Variants in ELN observed in about 807,000 individuals in gnomAD.
ELN encodes the protein elastin, also known as tropoelastin.
In ELN, 65 loss-of-function variants were observed where a neutral mutation model predicts 105.8. The ratio of observed to expected loss-of-function variants is 0.61; its 90% CI spans 0.50 to 0.75. The LOEUF is 0.75. Among genes scored for constraint, ELN ranks in the 30% least tolerant of loss-of-function variants. The pLI is 0.00. For synonymous variants in ELN, 368 were observed against 389.2 expected, an observed-to-expected ratio of 0.95 and a Z score of 0.64; for missense variants, 882 against 969.4, an observed-to-expected ratio of 0.91 and a Z score of 1.20.
At chr7:74,064,906 T>A (rs1376680685) in intron 29 of ELN, among the ~76,000 whole-genome samples, 3 of 152,106 alleles carry the variant, frequency 2.0e-5, no homozygotes, top group Non-Finnish European at 4.4e-5. Flanking sequence ...GCTCTTCCTG[T>A]GAGTGCCACA....
intron 19 of ELN, 99 bp from the exon 20 acceptor site, chr7:74,056,172 G>A: frequency 2.6e-6 from 4 of 1,514,714 alleles, no homozygotes; most frequent in Non-Finnish European, 2.8e-6. Flanking sequence ...AGGCCTGGGG[G>A]AAATTTACAT....
At chr7:74,051,513 G>A (rs1794022860) in intron 15 of ELN, among the ~76,000 whole-genome samples, 1 of 152,206 alleles carries the variant, frequency 6.6e-6, no homozygotes, top group Non-Finnish European at 1.5e-5. Flanking sequence ...ATTAGAATGG[G>A]ATTTGTCTGA....
At chr7:74,045,093 C>A in intron 9 of ELN, 129 bp from the exon 10 acceptor site, 1 of 1,001,406 alleles carries the variant, frequency 1.0e-6, no homozygotes, top group Non-Finnish European at 1.6e-6. Context: ...TCCACCCACC[C>A]CGTGAGCCGT....
In ELN at chr7:74,044,045, A is replaced by C. The variant is rs1791882982; in HGVS notation, c.469+125A>C. The C allele has an allele frequency of 2.3e-6, 3 of 1,307,110 alleles. No individual in the cohort carries two copies. In the South Asian group the frequency reaches 3.7e-5, roughly 16 times the overall value. 81.0% of individuals were successfully genotyped at this position (1,307,110 alleles called of 1,614,324 possible). A position where few individuals can be genotyped will look rare whatever the true frequency, so the allele number is the denominator to read the frequency against. ...AGGATGGCTTGAGGCCAGGAGTTTG[A>C]GACCAGCCTGGGCATCATAGTAAGG... On this transcript the variant is annotated intron_variant, in intron 9 of 32. Coordinates refer to ENST00000252034, the MANE Select transcript of ELN (RefSeq NM_000501.4).
intron 20 of ELN, 42 bp downstream of exon 20, chr7:74,056,477 TGG>T (rs1795252712): frequency 6.2e-7 from 1 of 1,611,872 alleles, no homozygotes; most frequent in African/African-American, 1.3e-5. Flanking sequence ...TGAGAAGGGA[TGG>T]GGGCTTCTTG....
At chr7:74,065,792 C>T in intron 30 of ELN, 60 bp downstream of exon 30, 1 of 1,612,292 alleles carries the variant, frequency 6.2e-7, no homozygotes, top group Non-Finnish European at 8.5e-7. Flanking sequence ...TGCCCATCGC[C>T]ACCCTCCCCC....
At position 74,046,714 on chromosome 7, in the gene ELN, G is replaced by C. The variant is rs782698807; in HGVS notation, c.590G>C (p.Gly197Ala). 5 of 1,614,192 alleles carry C rather than the reference G, an allele frequency of 3.1e-6. No individual in the cohort carries two copies. Among genetic ancestry groups the C allele is most frequent in the Non-Finnish European group, 4.2e-6 (5 of 1,180,020 alleles). ...AGIPGVGPFG[G>A]PQPGVPLGYP... ...CCCACAGGAGTTGGACCCTTTGGGG[G>C]ACCGCAACCTGGAGTCCCACTGGGG... The change falls in exon 12 of 33, where the codon GGA becomes GCA. Residue 197 changes from glycine (G) to alanine (A), a missense_variant. By Grantham distance (60) the Gly-to-Ala change is moderately conservative. Coordinates refer to ENST00000252034, the MANE Select transcript of ELN (RefSeq NM_000501.4).
intron 3 of ELN, among the ~76,000 whole-genome samples, chr7:74,037,064 G>A (rs1331583144): frequency 1.3e-5 from 2 of 151,876 alleles, no homozygotes; most frequent in African/African-American, 4.8e-5. Flanking sequence ...CAAGTGATCT[G>A]CCTGACTCGG....
chr7:74,050,060 T>C (rs1793637833), intron 15 of ELN, among the ~76,000 whole-genome samples: 3 of 150,920 alleles, frequency 2.0e-5, no homozygotes, highest in Admixed American at 2.0e-4. Context: ...CATCCTTCCA[T>C]CCATTCATCC....
rs1266483317 is a variant in ELN at position 74,063,604 on chromosome 7, C to T, written c.1919-17C>T. ...CCTTTCTGACCAGCGGAGTCTAATG[C>T]TCAGCTGTCTCCACAGGCCTAGTGG... On this transcript the variant is annotated splice_polypyrimidine_tract_variant and intron_variant, in intron 28 of 32. Transcript: ENST00000252034. This position sits in a 1 kb window ranked among gnomAD's most constrained non-coding sequence, Gnocchi z 4.1. The T allele has an allele frequency of 6.2e-7, 1 of 1,614,200 alleles. No homozygotes were observed. Among genetic ancestry groups the T allele is most frequent in the Non-Finnish European group, 8.5e-7 (1 of 1,180,038 alleles).
intron 17 of ELN, 182 bp from the exon 18 acceptor site, chr7:74,052,981 T>C: frequency 1.3e-6 from 1 of 757,198 alleles, no homozygotes; most frequent in East Asian, 2.7e-5. Context: ...ATCCTAGAGC[T>C]CTTTAGGGAC....
chr7:74,043,994 C>G (rs1245223211), intron 9 of ELN, 74 bp downstream of exon 9: 1 of 1,586,162 alleles, frequency 6.3e-7, no homozygotes, highest in Non-Finnish European at 8.6e-7. Flanking sequence ...GCCTATAATC[C>G]CATTGCTTTG....
intron 29 of ELN, among the ~76,000 whole-genome samples, chr7:74,064,414 C>CAA (rs782201893): frequency 0.018 from 2,425 of 134,138 alleles, 40 homozygotes; most frequent in African/African-American, 0.038. Flanking sequence ...GACTCCGTCT[C>CAA]AAAAAAAAAA....
rs1055137031 is a variant in ELN, at chr7:74,056,435, C to T, written c.1315C>T (p.Pro439Ser). Reference protein sequence around the residue: ...VGGVPGVGISPEAQAAAAAKA... With the variant: ...VGGVPGVGISSEAQAAAAAKA... ...AGGTGTCCCGGGAGTTGGCATTTCC[C>T]GTGAGCCTTAGTCACACCTGGGGAC... is the stretch of plus-strand genomic sequence containing the variant. The change falls in exon 20 of 33, where the codon CCC becomes TCC. Residue 439 changes from proline (P) to serine (S), a missense_variant and splice_region_variant. Physicochemically the swap from Pro to Ser is moderately conservative, Grantham distance 74 (BLOSUM62 -1). Coordinates refer to ENST00000252034, the MANE Select transcript of ELN (RefSeq NM_000501.4). 13 of 1,613,576 alleles carry T rather than the reference C, an allele frequency of 8.1e-6. No homozygotes were observed. The highest frequency in any genetic ancestry group is 1.1e-5 in the Non-Finnish European group (13 of 1,179,730).
intron 15 of ELN, among the ~76,000 whole-genome samples, chr7:74,049,761 C>T (rs1554674844): frequency 6.6e-6 from 1 of 151,344 alleles, no homozygotes; most frequent in East Asian, 2.0e-4. Flanking sequence ...CTCATCCATC[C>T]ATTCTTCCCT....
rs559301997 is a variant in ELN, at chr7:74,067,502, G to A, written c.2131+726G>A. On this transcript the variant is annotated intron_variant, in intron 32 of 32. Coordinates refer to ENST00000252034, the MANE Select transcript of ELN (RefSeq NM_000501.4). ...AGGCTGGTCTCGAACTCCTGACCTC[G>A]TGATCCGCCCGCCTCGGCCTCCCAA... Among the ~76,000 whole-genome samples the A allele has an allele frequency of 9.9e-5, 15 of 151,588 alleles. No individual in the cohort carries two copies. In the East Asian group the frequency reaches 2.4e-3, roughly 24 times the overall value.
At chr7:74,060,573 C>T in intron 25 of ELN, 72 bp downstream of exon 25, 1 of 1,608,786 alleles carries the variant, frequency 6.2e-7, no homozygotes, top group Non-Finnish European at 8.5e-7. Context: ...CTCTCAGCAC[C>T]TCCCCAGCAC....
chr7:74,053,105 C>T, intron 17 of ELN, 58 bp from the exon 18 acceptor site: 1 of 1,613,296 alleles, frequency 6.2e-7, no homozygotes, highest in East Asian at 2.2e-5. Context: ...TACTAACCAC[C>T]CTTCTAGCCC....
intron 22 of ELN, among the ~76,000 whole-genome samples, chr7:74,058,215 TTC>T (rs782582364): frequency 3.7e-4 from 56 of 149,808 alleles, no homozygotes; most frequent in Admixed American, 1.8e-3. Context: ...CTCCTTCTTC[TTC>T]TTTCTTCTTC....
Sources: allele counts gnomAD v4.1 joint callset (sites outside exome capture counted in the v4.1 genomes callset), GRCh38; gene constraint gnomAD v4.1.1; non-coding constraint Gnocchi (gnomAD v3.1); transcripts MANE v1.5; gene names NCBI Gene and HGNC (gene_info 2026-07-23, HGNC 2026-07-21).